Variants in BMPR2 observed in about 807,000 individuals in gnomAD.
The protein encoded by BMPR2 is bone morphogenetic protein receptor type-2.
A neutral mutation model predicts 100.8 loss-of-function variants in BMPR2; 29 were observed. The observed-to-expected ratio is 0.29, with a 90% CI of 0.21 to 0.39. The LOEUF (loss-of-function observed/expected upper bound fraction) is 0.39. BMPR2 is among the 10% of genes least tolerant of loss of function. The probability of loss-of-function intolerance (pLI) is 1.00; values close to 1 mark genes in which losing one functional copy is unlikely to be tolerated. For synonymous variants in BMPR2, 382 were observed against 442.3 expected (o/e 0.86, Z 1.71); for missense variants, 1,011 against 1,274.5 (o/e 0.79, Z 3.15).
chr2:202,501,335 C>T (rs1380900829), intron 3 of BMPR2, among the ~76,000 whole-genome samples: 2 of 152,204 alleles, frequency 1.3e-5, no homozygotes, highest in African/African-American at 4.8e-5. Flanking sequence ...AGCCAGGCTC[C>T]TCTATACTCT....
At chr2:202,406,558 T>A (rs1454210640) in intron 1 of BMPR2, among the ~76,000 whole-genome samples, 1 of 152,182 alleles carries the variant, frequency 6.6e-6, no homozygotes, top group Non-Finnish European at 1.5e-5. Flanking sequence ...GTTTCATGAG[T>A]GTGGAATATT....
intron 1 of BMPR2, among the ~76,000 whole-genome samples, chr2:202,379,010 G>C (rs1690215827): frequency 6.6e-6 from 1 of 152,124 alleles, no homozygotes; most frequent in Admixed American, 6.6e-5. Context: ...AAGAGAAAAA[G>C]CATTTATTTA....
intron 10 of BMPR2, among the ~76,000 whole-genome samples, chr2:202,549,196 A>T (rs1455460665): frequency 6.6e-6 from 1 of 151,564 alleles, no homozygotes; most frequent in Non-Finnish European, 1.5e-5. Context: ...ATTAACTATT[A>T]GTTATAATTA....
At chr2:202,440,532 A>G (rs1365056773) in intron 1 of BMPR2, among the ~76,000 whole-genome samples, 4 of 145,416 alleles carry the variant, frequency 2.8e-5, no homozygotes, top group Non-Finnish European at 6.0e-5. Flanking sequence ...ATGGGCGGCC[A>G]GGCAGAGACG....
At chr2:202,504,038 A>T (rs1474428782) in intron 3 of BMPR2, among the ~76,000 whole-genome samples, 2 of 152,036 alleles carry the variant, frequency 1.3e-5, no homozygotes, top group Non-Finnish European at 2.9e-5. Flanking sequence ...GACACTCTGT[A>T]TCTAGCTAAT....
chr2:202,376,802 C>G lies in BMPR2; in HGVS notation c.-673C>G. The G allele has an allele frequency of 2.5e-6, 1 of 402,468 alleles. No homozygotes were observed. Among genetic ancestry groups the G allele is most frequent in the Non-Finnish European group, 4.4e-6 (1 of 229,716 alleles). The allele number at this position is 402,468 out of a possible 1,614,324, so 24.9% of individuals were successfully genotyped here. ...TCCCCCGCTCCTACCTCTCCTCAGC[C>G]TTCGCCAGGGCCTCCCCAACCCTCT... On this transcript the variant is annotated 5_prime_UTR_variant, in exon 1 of 13. Transcript: ENST00000374580.
At position 202,440,377 on chromosome 2, in the gene BMPR2, G is replaced by A. The variant is rs1438144553; in HGVS notation, c.77-24432G>A. 2.7e-5 allele frequency among the ~76,000 whole-genome samples: 4 copies of A among 148,962 alleles called. 1 individual carries two copies. The highest frequency in any genetic ancestry group is 1.0e-4 in the African/African-American group (4 of 38,834). The stretch of plus-strand genomic sequence containing the variant: ...TCCTCACATCCCAGACGGGGCGGCG[G>A]GGCAGAGGCGCTCCCCACATCTCAG... On this transcript the variant is annotated intron_variant, in intron 1 of 12. Transcript: ENST00000374580.
chr2:202,393,138 G>A (rs188370869), intron 1 of BMPR2, among the ~76,000 whole-genome samples: 72 of 152,244 alleles, frequency 4.7e-4, no homozygotes, highest in African/African-American at 1.5e-3. Context: ...GTTGGTGTAT[G>A]GAAATACATA....
In BMPR2 at chr2:202,441,375, A is replaced by T. The variant is rs181035846; in HGVS notation, c.77-23434A>T. ...ATAAATATCTTTTTTGAAATTCTAA[A>T]CACTAAGGTTGAATTGTCACTAATT... On this transcript the variant is annotated intron_variant, in intron 1 of 12. Transcript: ENST00000374580. Among the ~76,000 whole-genome samples, 114 of 150,570 alleles carry T rather than the reference A, an allele frequency of 7.6e-4. 1 individual carries two copies. Among genetic ancestry groups the T allele is most frequent in the Non-Finnish European group, 1.3e-3 (90 of 68,010 alleles).
At chr2:202,432,325 C>T (rs1010800772) in intron 1 of BMPR2, among the ~76,000 whole-genome samples, 4 of 150,454 alleles carry the variant, frequency 2.7e-5, no homozygotes, top group Admixed American at 1.3e-4. Flanking sequence ...TATTCCTTGC[C>T]GGTTATTTGA....
chr2:202,492,700 C>CAA (rs1166246933), intron 3 of BMPR2, among the ~76,000 whole-genome samples: 573 of 51,586 alleles, frequency 0.011, no homozygotes, highest in East Asian at 0.014. Flanking sequence ...AGCTCTGTCT[C>CAA]AAAAAAAAAA....
chr2:202,395,244 A>C (rs980905323), intron 1 of BMPR2, among the ~76,000 whole-genome samples: 1 of 152,216 alleles, frequency 6.6e-6, no homozygotes, highest in Non-Finnish European at 1.5e-5. Flanking sequence ...ACAATTTATC[A>C]CATTGACTTG....
At chr2:202,387,951 T>A (rs1690463037) in intron 1 of BMPR2, among the ~76,000 whole-genome samples, 1 of 152,218 alleles carries the variant, frequency 6.6e-6, no homozygotes, top group Non-Finnish European at 1.5e-5. Context: ...AACAGAGTTT[T>A]ATGTGGGATA....
intron 1 of BMPR2, among the ~76,000 whole-genome samples, chr2:202,408,332 A>T (rs1417833437): frequency 2.6e-5 from 4 of 152,166 alleles, no homozygotes; most frequent in African/African-American, 9.7e-5. Context: ...CAGAAACCAT[A>T]TGTCTGTGGT....
At chr2:202,519,096 TTA>T (rs1192004248) in intron 6 of BMPR2, 44 bp downstream of exon 6, 1 of 1,585,052 alleles carries the variant, frequency 6.3e-7, no homozygotes, top group East Asian at 2.2e-5. Flanking sequence ...GTGTGGTGGC[TTA>T]TGCCTGTAAT....
chr2:202,527,556 C>T (rs888942736), intron 7 of BMPR2, among the ~76,000 whole-genome samples: 1 of 148,672 alleles, frequency 6.7e-6, no homozygotes, highest in African/African-American at 2.5e-5. Context: ...GAGGCCGAGG[C>T]GGGTGGATCA....
intron 9 of BMPR2, among the ~76,000 whole-genome samples, chr2:202,539,901 T>G (rs1445239187): frequency 7.9e-5 from 12 of 152,128 alleles, no homozygotes; most frequent in Admixed American, 3.9e-4. Flanking sequence ...TATAAAACTT[T>G]CCTTGAGCAA....
chr2:202,525,973 C>T, intron 7 of BMPR2, among the ~76,000 whole-genome samples: 1 of 141,708 alleles, frequency 7.1e-6, no homozygotes. Context: ...TCAAGCAATT[C>T]TCCTGCCTCA....
chr2:202,390,479 G>A (rs1489958484), intron 1 of BMPR2, among the ~76,000 whole-genome samples: 1 of 151,750 alleles, frequency 6.6e-6, no homozygotes, highest in Non-Finnish European at 1.5e-5. Context: ...TTACAGGCAC[G>A]TGCCACCATG....
Sources: allele counts gnomAD v4.1 joint callset (sites outside exome capture counted in the v4.1 genomes callset), GRCh38; gene constraint gnomAD v4.1.1; transcripts MANE v1.5; gene names NCBI Gene and HGNC (gene_info 2026-07-23, HGNC 2026-07-21).